MLST8: variants seen among roughly 807,000 people sequenced by gnomAD.
MLST8 encodes the protein target of rapamycin complex subunit LST8.
MLST8 carries 20 observed loss-of-function variants against 41.3 expected under a neutral mutation model. The ratio of observed to expected loss-of-function variants is 0.48; its 90% CI spans 0.34 to 0.70. The LOEUF is 0.70. Among genes scored for constraint, MLST8 ranks in the 30% least tolerant of loss-of-function variants. MLST8 has a pLI of 0.01. For synonymous variants in MLST8, 243 were observed against 183.0 expected (o/e 1.33, Z -2.65); for missense variants, 422 against 454.3 (o/e 0.93, Z 0.65).
At position 2,206,281 on chromosome 16, in the gene MLST8, G is replaced by C. The variant is rs143121564; in HGVS notation, c.129+67G>C. The C allele has an allele frequency of 1.3e-5, 21 of 1,605,902 alleles. No individual in the cohort carries two copies. The African/African-American group carries it at 2.7e-4, about 20-fold the overall frequency. On this transcript the variant is annotated intron_variant, in intron 2 of 8. Transcript: ENST00000569417. ...GCCTCGTGTGGGGACCACAGCCTGT[G>C]TGAAGGCCAGATGGTGGAGGCCTGG...
chr16:2,207,430 C>A, intron 6 of MLST8, 85 bp downstream of exon 6: 1 of 1,509,472 alleles, frequency 6.6e-7, no homozygotes, highest in Non-Finnish European at 9.0e-7. Context: ...CTGGATGTCC[C>A]TTAGCGGCCC....
At position 2,208,444 on chromosome 16, in the gene MLST8, C is replaced by A; in HGVS notation, c.699-6C>A. On this transcript the variant is annotated splice_polypyrimidine_tract_variant and splice_region_variant and intron_variant, in intron 7 of 8. Coordinates refer to ENST00000569417, the MANE Select transcript of MLST8 (RefSeq NM_022372.6). ...CTGCTGGACACGCCCCATGCCCACC[C>A]ACTAGGCTCCTCGCCACCTGCTCGG... 6.2e-7 allele frequency: 1 copy of A among 1,612,496 alleles called. No homozygotes were observed.
In MLST8 at chr16:2,208,520, G is replaced by C. The variant is rs753486259; in HGVS notation, c.769G>C (p.Glu257Gln). Residue 257 changes from glutamate (E) to glutamine (Q), a missense_variant, in exon 8 of 9, where the codon GAG becomes CAG. Glu to Gln is a conservative substitution (Grantham distance 29, BLOSUM62 2). Transcript: ENST00000569417. Reference sequence around the variant, plus strand: ...GACGTCCAACTTCTCCCTGATGACGGAGCTGAGCATCAAGAGCGGCAACCC... The same window carrying C: ...GACGTCCAACTTCTCCCTGATGACGCAGCTGAGCATCAAGAGCGGCAACCC... ...WRTSNFSLMT[E>Q]LSIKSGNPGE... 1 of 1,613,342 alleles carries C rather than the reference G, an allele frequency of 6.2e-7. No individual in the cohort carries two copies. The highest frequency in any genetic ancestry group is 1.1e-5 in the South Asian group (1 of 91,088).
rs749806460 is a variant in MLST8, at chr16:2,206,061, C to A, written c.-25C>A. 7.0e-6 allele frequency: 11 copies of A among 1,570,488 alleles called. No homozygotes were observed. In the African/African-American group the frequency reaches 1.5e-4, roughly 21 times the overall value. On this transcript the variant is annotated 5_prime_UTR_variant, in exon 2 of 9. Coordinates refer to ENST00000569417, the MANE Select transcript of MLST8 (RefSeq NM_022372.6). Reference sequence around the variant, plus strand: ...CTGACCTTTGACCCCTGCCGTTCAGCTCTAGGGCCCGTGCAGGCCACACCA... The same window carrying A: ...CTGACCTTTGACCCCTGCCGTTCAGATCTAGGGCCCGTGCAGGCCACACCA...
In MLST8 at chr16:2,207,259, G is replaced by A. The variant is rs775178076; in HGVS notation, c.487G>A (p.Glu163Lys). Reference sequence around the variant, plus strand: ...CTGGGACTTGAAAACAGACCACAACGAGCAGCTGATCCCTGAGCCCGAGGT... The same window carrying A: ...CTGGGACTTGAAAACAGACCACAACAAGCAGCTGATCCCTGAGCCCGAGGT... ...HIWDLKTDHN[E>K]QLIPEPEVSI... Residue 163 changes from glutamate (E) to lysine (K), a missense_variant, in exon 6 of 9, where the codon GAG becomes AAG. Glu to Lys is a moderately conservative substitution (Grantham distance 56, BLOSUM62 1). Transcript: ENST00000569417. 1.9e-6 allele frequency: 3 copies of A among 1,614,158 alleles called. No homozygotes were observed. The highest frequency in any genetic ancestry group is 1.7e-6 in the Non-Finnish European group (2 of 1,180,020).
chr16:2,207,439 C>T (rs1043674909), intron 6 of MLST8, 94 bp downstream of exon 6: 4 of 1,476,504 alleles, frequency 2.7e-6, no homozygotes, highest in Middle Eastern at 1.8e-4. Context: ...CCTTAGCGGC[C>T]CCCTCCTGCT....
chr16:2,208,170 G>C (rs775938712), intron 6 of MLST8, 40 bp from the exon 7 acceptor site: 3 of 1,567,620 alleles, frequency 1.9e-6, no homozygotes, highest in Non-Finnish European at 8.7e-7. Context: ...TCTCAGACCT[G>C]AGGCCTTGGG....
intron 4 of MLST8, 153 bp from the exon 5 acceptor site, chr16:2,206,882 G>C: frequency 1.7e-6 from 2 of 1,150,212 alleles, no homozygotes; most frequent in South Asian, 1.3e-5. Context: ...ACTGGCTTAG[G>C]CTCCCTGCTG....
intron 6 of MLST8, 47 bp downstream of exon 6, chr16:2,207,392 C>T: frequency 6.3e-7 from 1 of 1,594,974 alleles, no homozygotes; most frequent in Non-Finnish European, 8.6e-7. Context: ...TGGCACTCAG[C>T]CCTCAGCCTC....
chr16:2,208,114 G>A (rs2093332140), intron 6 of MLST8, 96 bp from the exon 7 acceptor site: 5 of 1,452,508 alleles, frequency 3.4e-6, no homozygotes, highest in Admixed American at 2.2e-5. Flanking sequence ...GGGTCCCCAT[G>A]CACAGTTGGC....
At position 2,208,853 on chromosome 16, in the gene MLST8, C is replaced by T. The variant is rs2093352122; in HGVS notation, c.957C>T (p.Ala319=). ...ACCAGAAGGCTGTTGTCTGCCTGGC[C>T]TTCAATGACAGTGTGCTGGGCTAGC... The part of the protein sequence containing the change: ...GGHQKAVVCL[A]FNDSVLG Residue 319 remains alanine (A), a synonymous_variant, in exon 9 of 9, where the codon GCC becomes GCT. Coordinates refer to ENST00000569417, the MANE Select transcript of MLST8 (RefSeq NM_022372.6). The T allele has an allele frequency of 1.2e-6, 2 of 1,613,702 alleles. No homozygotes were observed. Among genetic ancestry groups the T allele is most frequent in the Non-Finnish European group, 1.7e-6 (2 of 1,179,924 alleles).
chr16:2,207,616 C>T (rs1217663817), intron 6 of MLST8: 3 of 504,204 alleles, frequency 5.9e-6, no homozygotes, highest in Non-Finnish European at 7.1e-6. Flanking sequence ...GTCCCAGTCA[C>T]CCTTGTTTCT....
At chr16:2,208,155 C>T (rs922998831) in intron 6 of MLST8, 55 bp from the exon 7 acceptor site, 1 of 1,542,400 alleles carries the variant, frequency 6.5e-7, no homozygotes, top group Non-Finnish European at 8.8e-7. Flanking sequence ...GCATCCTTCC[C>T]TGTGTCTCAG....
rs773566730 is a variant in MLST8, at chr16:2,209,329, T to C, written c.*452T>C. 1.9e-5 allele frequency: 30 copies of C among 1,588,690 alleles called. No homozygotes were observed. Among genetic ancestry groups the C allele is most frequent in the Middle Eastern group, 1.7e-4 (1 of 5,974 alleles). On this transcript the variant is annotated 3_prime_UTR_variant, in exon 9 of 9. Coordinates refer to ENST00000569417, the MANE Select transcript of MLST8 (RefSeq NM_022372.6). ...AGGTGGCCTGGCCAGCCCACTGGAT[T>C]GGGGACGGGCCAGGCTGGGCCAGGT...
At chr16:2,208,693 C>G in intron 8 of MLST8, 66 bp from the exon 9 acceptor site, 1 of 1,613,140 alleles carries the variant, frequency 6.2e-7, no homozygotes, top group Non-Finnish European at 8.5e-7. Flanking sequence ...TGCAGCTTCC[C>G]CTCTGCTGGG....
At chr16:2,208,727 C>G (rs769565435) in intron 8 of MLST8, 32 bp from the exon 9 acceptor site, 1 of 1,613,614 alleles carries the variant, frequency 6.2e-7, no homozygotes, top group African/African-American at 1.3e-5. Flanking sequence ...CCTGCACCTG[C>G]GCTCTTAGCC....
intron 2 of MLST8, 41 bp downstream of exon 2, chr16:2,206,255 T>G (rs542251448): frequency 3.8e-5 from 61 of 1,599,868 alleles, no homozygotes; most frequent in Admixed American, 1.7e-4. Context: ...GCTGGGGGGA[T>G]GCCTCGTGTG....
Position 2,208,604 on chromosome 16 carries a change from A to G in MLST8, c.853A>G (p.Ile285Val), listed in dbSNP as rs757910498. The G allele has an allele frequency of 2.7e-5, 43 of 1,612,222 alleles. No homozygotes were observed. The highest frequency in any genetic ancestry group is 3.2e-5 in the Non-Finnish European group (38 of 1,179,578). The part of the protein sequence containing the change: ...GCAFSGDSQY[I>V]VTASSDNLAR... ...CGCCTTCTCGGGGGACTCCCAGTAC[A>G]TCGTCACTGGTGAGCCCCGCCCTGG... Residue 285 changes from isoleucine (I) to valine (V), a missense_variant, in exon 8 of 9, where the codon ATC becomes GTC. Ile to Val is a conservative substitution (Grantham distance 29). Coordinates refer to ENST00000569417, the MANE Select transcript of MLST8 (RefSeq NM_022372.6).
chr16:2,206,631 G>T lies in MLST8; in HGVS notation c.316G>T (p.Asp106Tyr). The T allele has an allele frequency of 6.2e-7, 1 of 1,613,524 alleles. No homozygotes were observed. Among genetic ancestry groups the T allele is most frequent in the Non-Finnish European group, 8.5e-7 (1 of 1,179,876 alleles). The change falls in exon 4 of 9, where the codon GAC (aspartate) becomes TAC (tyrosine). Residue 106 changes from aspartate to tyrosine, a missense_variant. By Grantham distance (160) the Asp-to-Tyr change is radical. Coordinates refer to ENST00000569417, the MANE Select transcript of MLST8 (RefSeq NM_022372.6). ...CCGCTGGATGTACACGGGCGGCGAG[G>T]ACTGCACAGCCAGGATCTGGGACCT... is the stretch of plus-strand genomic sequence containing the variant. ...DGRWMYTGGEDCTARIWDLRS... is the reference protein window; with the variant it reads ...DGRWMYTGGEYCTARIWDLRS...
Sources: gnomAD v4.1 joint callset for allele counts on GRCh38, gnomAD v4.1.1 for gene constraint, MANE v1.5 for transcripts, NCBI Gene and HGNC (gene_info 2026-07-23, HGNC 2026-07-21) for gene names.